TNFRSF8: variants seen among roughly 807,000 people sequenced by gnomAD.
TNFRSF8 encodes tumor necrosis factor receptor superfamily member 8.
In TNFRSF8, 26 loss-of-function variants were observed where a neutral mutation model predicts 70.8. That is an observed-to-expected ratio of 0.37 (90% CI 0.27 to 0.51). The LOEUF (loss-of-function observed/expected upper bound fraction) is 0.51. Among genes scored for constraint, TNFRSF8 ranks in the 20% least tolerant of loss-of-function variants. The probability of loss-of-function intolerance (pLI) is 0.94; values close to 1 mark genes in which losing one functional copy is unlikely to be tolerated. For missense variants in TNFRSF8, 720 were observed against 807.9 expected (o/e 0.89, Z 1.32); for synonymous variants, 356 against 339.2 (o/e 1.05, Z -0.54).
chr1:12,114,959 G>A (rs1364574173), intron 7 of TNFRSF8, among the ~76,000 whole-genome samples: 3 of 151,922 alleles, frequency 2.0e-5, no homozygotes, highest in East Asian at 3.9e-4. Context: ...TGCCTGCCTC[G>A]GCCTCCCAAA....
rs565749638 is a variant in TNFRSF8, at chr1:12,067,875, C to T, written c.63+4214C>T. Among the ~76,000 whole-genome samples the T allele has an allele frequency of 4.4e-3, 292 of 66,602 alleles. 12 individuals carry two copies. The South Asian group carries it at 0.11, about 26-fold the overall frequency. The allele number at this position is 66,602 out of a possible 152,430, so 43.7% of individuals were successfully genotyped here. On this transcript the variant is annotated intron_variant, in intron 1 of 14. Transcript: ENST00000263932. ...GGACATTTCCAGGGCTGCTCAAATC[C>T]TGCAGGGAGGCAAGGACGGCGGGGG...
chr1:12,095,361 C>T (rs1463462815), intron 2 of TNFRSF8, among the ~76,000 whole-genome samples: 1 of 151,360 alleles, frequency 6.6e-6, no homozygotes, highest in African/African-American at 2.4e-5. Flanking sequence ...GATCTCGGCT[C>T]ACTGCAACCT....
Position 12,112,161 on chromosome 1 carries a change from T to G in TNFRSF8, c.793+147T>G, listed in dbSNP as rs941338040. ...GGCTTCCATTGGCATATTATTTCCT[T>G]CCAGGAAGCGTTTGTGAATCACCCA... On this transcript the variant is annotated intron_variant, in intron 7 of 14. Transcript: ENST00000263932. The surrounding 1 kb of genome is among the most constrained non-coding windows in gnomAD (Gnocchi z 5.3). 1 of 601,268 alleles carries G rather than the reference T, an allele frequency of 1.7e-6. No homozygotes were observed. The highest frequency in any genetic ancestry group is 1.9e-5 in the African/African-American group (1 of 53,672). 37.2% of individuals were successfully genotyped at this position (601,268 alleles called of 1,614,324 possible).
chr1:12,094,621 TTTTTTTTTTGC>T (rs1407186614), intron 2 of TNFRSF8, among the ~76,000 whole-genome samples: 32 of 145,552 alleles, frequency 2.2e-4, no homozygotes, highest in African/African-American at 7.1e-4. Context: ...TAGTTTTTTT[TTTTTTTTTTGC>T]TTTTTTTTTT....
At chr1:12,115,210 C>T (rs1003311600) in intron 7 of TNFRSF8, among the ~76,000 whole-genome samples, 85 of 152,238 alleles carry the variant, frequency 5.6e-4, no homozygotes, top group African/African-American at 2.0e-3. Context: ...TGGTAAAGTG[C>T]ATAGATTAAA....
At chr1:12,121,755 C>T (rs1419696360) in intron 8 of TNFRSF8, among the ~76,000 whole-genome samples, 3 of 152,208 alleles carry the variant, frequency 2.0e-5, no homozygotes, top group Non-Finnish European at 4.4e-5. Context: ...TGAAATTATA[C>T]GTTCACACAG....
chr1:12,126,594 C>T (rs1386866019), intron 12 of TNFRSF8, among the ~76,000 whole-genome samples: 2 of 152,218 alleles, frequency 1.3e-5, no homozygotes, highest in Non-Finnish European at 2.9e-5. Context: ...ATTCTACCCT[C>T]CCTTTCTCCC....
chr1:12,107,202 C>A (rs996452455), intron 4 of TNFRSF8, among the ~76,000 whole-genome samples: 1 of 152,142 alleles, frequency 6.6e-6, no homozygotes, highest in Admixed American at 6.6e-5. Flanking sequence ...TGAGACCAGC[C>A]TGGCCAATGT....
At chr1:12,073,507 CCTTCT>C (rs1160393661) in intron 1 of TNFRSF8, among the ~76,000 whole-genome samples, 2 of 151,394 alleles carry the variant, frequency 1.3e-5, no homozygotes, top group African/African-American at 4.9e-5. Context: ...CTCCCTCCCT[CCTTCT>C]CTTCTTTCTT....
intron 8 of TNFRSF8, among the ~76,000 whole-genome samples, chr1:12,122,039 G>A (rs749687005): frequency 1.2e-4 from 19 of 152,136 alleles, no homozygotes; most frequent in Admixed American, 6.5e-4. Context: ...AAAGCAGATC[G>A]GTGGTTGCCT....
At chr1:12,132,708 C>T (rs28445460) in intron 12 of TNFRSF8, among the ~76,000 whole-genome samples, 2,729 of 151,986 alleles carry the variant, frequency 0.018, 28 homozygotes, top group Middle Eastern at 0.034. Flanking sequence ...TGTCATGACA[C>T]GCACCTGTAG....
Position 12,138,735 on chromosome 1 carries a change from G to A in TNFRSF8, c.1543+299G>A, listed in dbSNP as rs933955678. Among the ~76,000 whole-genome samples the A allele has an allele frequency of 1.3e-5, 2 of 152,204 alleles. No individual in the cohort carries two copies. The highest frequency in any genetic ancestry group is 6.5e-5 in the Admixed American group (1 of 15,284). ...GCACCCGAGGGGACAGGAGGAAGAC[G>A]TGCCAGTGGTCACAGGACCTGCCAC... On this transcript the variant is annotated intron_variant, in intron 14 of 14. Transcript: ENST00000263932. The surrounding 1 kb of genome is among the most constrained non-coding windows in gnomAD (Gnocchi z 5.7).
intron 12 of TNFRSF8, among the ~76,000 whole-genome samples, chr1:12,131,668 A>G (rs747032784): frequency 2.0e-5 from 3 of 151,594 alleles, no homozygotes; most frequent in Non-Finnish European, 4.4e-5. Context: ...TAACTTTTCT[A>G]TTTTTTGTAG....
chr1:12,080,382 C>T, intron 1 of TNFRSF8: 6 of 525,136 alleles, frequency 1.1e-5, no homozygotes, highest in South Asian at 6.9e-5. Flanking sequence ...AGCTTTGTCA[C>T]AGCCTGTTTG....
rs1296024076 is a variant in TNFRSF8 at position 12,138,327 on chromosome 1, C to G, written c.1434C>G (p.Ala478=). ...LMETCHSVGA[A]YLESLPLQDA... is the part of the protein sequence containing the mutation. Reference sequence around the variant, plus strand: ...AGACCTGCCACAGCGTGGGGGCAGCCTACCTGGAGAGCCTGCCGCTGCAGG... The same window carrying G: ...AGACCTGCCACAGCGTGGGGGCAGCGTACCTGGAGAGCCTGCCGCTGCAGG... The change falls in exon 14 of 15, where the codon GCC becomes GCG. Residue 478 remains alanine (A), a synonymous_variant. Transcript: ENST00000263932. The surrounding 1 kb of genome is among the most constrained non-coding windows in gnomAD (Gnocchi z 5.7). 2 of 1,613,766 alleles carry G rather than the reference C, an allele frequency of 1.2e-6. No individual in the cohort carries two copies. The highest frequency in any genetic ancestry group is 1.7e-6 in the Non-Finnish European group (2 of 1,179,948).
intron 3 of TNFRSF8, among the ~76,000 whole-genome samples, chr1:12,099,763 C>A (rs72641071): frequency 0.058 from 8,746 of 151,712 alleles, 335 homozygotes; most frequent in Non-Finnish European, 0.079. Flanking sequence ...TATGGCAGAT[C>A]CTTTTGCTCC....
intron 10 of TNFRSF8, among the ~76,000 whole-genome samples, chr1:12,124,829 CAAACAAAACA>C (rs201195847): frequency 0.3 from 44,343 of 145,776 alleles, 6,962 homozygotes; most frequent in Admixed American, 0.43. Context: ...GAATCAGTCT[CAAACAAAACA>C]AAACAAAACA....
chr1:12,096,571 G>T (rs1209474582), intron 2 of TNFRSF8, among the ~76,000 whole-genome samples: 1 of 152,134 alleles, frequency 6.6e-6, no homozygotes, highest in Non-Finnish European at 1.5e-5. Flanking sequence ...GACTTTCATG[G>T]TCTAAAGTTA....
In TNFRSF8 at chr1:12,123,438, C is replaced by G. The variant is rs577272664; in HGVS notation, c.1040+61C>G. ...GCAGGAGGGAGCTGTCCCTGCCATG[C>G]CCAGGGGATGCCTGGGAGGCAGCTG... On this transcript the variant is annotated intron_variant, in intron 9 of 14. Transcript: ENST00000263932. 15 of 1,470,032 alleles carry G rather than the reference C, an allele frequency of 1.0e-5. No individual in the cohort carries two copies. The African/African-American group carries it at 2.1e-4, about 21-fold the overall frequency. The allele number at this position is 1,470,032 out of a possible 1,614,324, so 91.1% of individuals were successfully genotyped here.
Sources: allele counts gnomAD v4.1 joint callset (sites outside exome capture counted in the v4.1 genomes callset), GRCh38; gene constraint gnomAD v4.1.1; non-coding constraint Gnocchi (gnomAD v3.1); transcripts MANE v1.5; gene names NCBI Gene and HGNC (gene_info 2026-07-23, HGNC 2026-07-21).